The following SEL1L variants were observed in gnomAD, a reference collection of about 807,000 sequenced individuals.
SEL1L encodes SEL1L adaptor subunit of SYVN1 ubiquitin ligase, also known as protein sel-1 homolog 1.
A neutral mutation model predicts 109.8 loss-of-function variants in SEL1L; 52 were observed. The observed-to-expected ratio is 0.47, with a 90% CI of 0.38 to 0.60. The LOEUF (loss-of-function observed/expected upper bound fraction) is 0.60, where lower values mean the gene tolerates loss of function less well. SEL1L is among the 20% of genes least tolerant of loss of function. The pLI is 0.00. For missense variants in SEL1L, 749 were observed against 962.2 expected (o/e 0.78, Z 2.93); for synonymous variants, 373 against 339.6 (o/e 1.10, Z -1.08).
intron 10 of SEL1L, among the ~76,000 whole-genome samples, chr14:81,495,340 T>C (rs1883699026): frequency 6.6e-6 from 1 of 152,244 alleles, no homozygotes; most frequent in Non-Finnish European, 1.5e-5. Flanking sequence ...TACTTGTAAT[T>C]GCAAAGTACC....
chr14:81,492,679 C>T, intron 11 of SEL1L, 131 bp from the exon 12 acceptor site: 1 of 594,172 alleles, frequency 1.7e-6, no homozygotes, highest in Non-Finnish European at 3.0e-6. Context: ...CAAGAATACC[C>T]AGTTGCCAAT....
chr14:81,482,938 A>G (rs757635822), intron 19 of SEL1L, among the ~76,000 whole-genome samples: 5 of 152,192 alleles, frequency 3.3e-5, no homozygotes, highest in Non-Finnish European at 7.3e-5. Context: ...TACTCTTCCT[A>G]GAAAATAAGA....
intron 10 of SEL1L, among the ~76,000 whole-genome samples, chr14:81,496,340 C>CAA (rs1555413758): frequency 1.4e-5 from 2 of 147,264 alleles, no homozygotes; most frequent in African/African-American, 4.9e-5. Flanking sequence ...AAAACAAAAA[C>CAA]AAAAAAAAAA....
intron 1 of SEL1L, among the ~76,000 whole-genome samples, chr14:81,528,021 G>GT (rs1195938399): frequency 6.6e-6 from 1 of 152,052 alleles, no homozygotes; most frequent in Non-Finnish European, 1.5e-5. Flanking sequence ...ACAAAAACAG[G>GT]TATTTCTTCA....
Position 81,498,437 on chromosome 14 carries a change from G to A in SEL1L, c.949C>T (p.His317Tyr), listed in dbSNP as rs1035922108. 5.0e-6 allele frequency: 8 copies of A among 1,613,898 alleles called. No homozygotes were observed. The highest frequency in any genetic ancestry group is 5.1e-6 in the Non-Finnish European group (6 of 1,179,888). ...VLQSCESALT[H>Y]YRLVANHVAS... The stretch of plus-strand genomic sequence containing the variant: ...CCATGATTGGCAACAAGACGATAGT[G>A]AGTCAGGGCAGATTCACAACTCTGG... Residue 317 changes from histidine to tyrosine, a missense_variant, in exon 9 of 21, where the codon CAC (histidine) becomes TAC (tyrosine). Coordinates refer to ENST00000336735, the MANE Select transcript of SEL1L (RefSeq NM_005065.6).
chr14:81,485,673 T>C lies in SEL1L; in HGVS notation c.1872A>G (p.Gln624=), dbSNP rs1903498643. ...CTTATCTTAGAATTAATCACTTACC[T>C]TGAGAGGCGGCCCTGTTCCAATGTA... ...ALLHWNRAAS[Q]GYTVARIKLG... Residue 624 remains glutamine, a splice_region_variant and synonymous_variant, in exon 18 of 21, where the codon CAA becomes CAG. Transcript: ENST00000336735. The C allele has an allele frequency of 6.2e-7, 1 of 1,613,552 alleles. No individual in the cohort carries two copies. The highest frequency in any genetic ancestry group is 8.5e-7 in the Non-Finnish European group (1 of 1,179,494).
chr14:81,505,424 G>A (rs1225831410), intron 4 of SEL1L, among the ~76,000 whole-genome samples: 1 of 152,118 alleles, frequency 6.6e-6, no homozygotes, highest in Admixed American at 6.5e-5. Context: ...TGCATTAACT[G>A]GAGTACCCAG....
At chr14:81,519,351 C>T (rs913255412) in intron 3 of SEL1L, among the ~76,000 whole-genome samples, 3 of 152,200 alleles carry the variant, frequency 2.0e-5, no homozygotes, top group African/African-American at 2.4e-5. Flanking sequence ...TACACTGAGT[C>T]CTTTGAGTCA....
Position 81,496,598 on chromosome 14 carries a change from G to C in SEL1L, c.1128+1294C>G, listed in dbSNP as rs527308101. On this transcript the variant is annotated intron_variant, in intron 10 of 20. Coordinates refer to ENST00000336735, the MANE Select transcript of SEL1L (RefSeq NM_005065.6). ...CACTAAAAATACAAAAATTAGCTGGGTGTGGTGGTGCATGCCTGCATTCCC... is the reference window on the plus strand; with the variant it reads ...CACTAAAAATACAAAAATTAGCTGGCTGTGGTGGTGCATGCCTGCATTCCC... Among the ~76,000 whole-genome samples, 6 of 152,272 alleles carry C rather than the reference G, an allele frequency of 3.9e-5. No individual in the cohort carries two copies. The East Asian group carries it at 1.2e-3, about 29-fold the overall frequency.
intron 19 of SEL1L, among the ~76,000 whole-genome samples, chr14:81,482,047 A>G (rs192690080): frequency 0.045 from 6,771 of 152,084 alleles, 211 homozygotes; most frequent in South Asian, 0.12. Flanking sequence ...AAAAAAAAAA[A>G]GTAATGGAGT....
chr14:81,522,474 G>A (rs1884952507), intron 3 of SEL1L, among the ~76,000 whole-genome samples: 1 of 152,308 alleles, frequency 6.6e-6, no homozygotes, highest in African/African-American at 2.4e-5. Flanking sequence ...TTACCACTGT[G>A]TTACAGCTGA....
rs2139968026 is a variant in SEL1L at position 81,471,766 on chromosome 14, A to C, written c.*5206T>G. The stretch of plus-strand genomic sequence containing the variant: ...TACTCAAAATATAATACTACCAATA[A>C]ACTACTAGCATAGTGAATTTTCAGG... On this transcript the variant is annotated 3_prime_UTR_variant, in exon 21 of 21. Coordinates refer to ENST00000336735, the MANE Select transcript of SEL1L (RefSeq NM_005065.6). 1 of 152,330 alleles carries C rather than the reference A, an allele frequency of 6.6e-6. No homozygotes were observed. Among genetic ancestry groups the C allele is most frequent in the South Asian group, 2.1e-4 (1 of 4,828 alleles). 9.4% of individuals were successfully genotyped at this position (152,330 alleles called of 1,614,324 possible). A position where few individuals can be genotyped will look rare whatever the true frequency, so the allele number is the denominator to read the frequency against.
chr14:81,489,145 A>C, intron 14 of SEL1L, 107 bp downstream of exon 14: 1 of 934,014 alleles, frequency 1.1e-6, no homozygotes, highest in East Asian at 2.4e-5. Flanking sequence ...AGCTTTGCTT[A>C]CAATGGAACA....
At chr14:81,519,752 T>TAC (rs1884837784) in intron 3 of SEL1L, among the ~76,000 whole-genome samples, 2 of 152,166 alleles carry the variant, frequency 1.3e-5, no homozygotes, top group Admixed American at 1.3e-4. Context: ...GGAGAAAACC[T>TAC]ACATTTATTT....
rs1884227250 is a variant in SEL1L, at chr14:81,506,099, T to C, written c.483A>G (p.Ala161=). The change falls in exon 4 of 21, where the codon GCA becomes GCG. Residue 161 remains alanine (A), a synonymous_variant. Transcript: ENST00000336735. ...LWCATTYDYK[A]DEKWGFCETE... The stretch of plus-strand genomic sequence containing the variant: ...TTTCACAAAAGCCCCACTTTTCATC[T>C]GCTTTGTAGTCATAGGTTGTAGCAC... The C allele has an allele frequency of 2.5e-6, 4 of 1,613,480 alleles. No homozygotes were observed. Among genetic ancestry groups the C allele is most frequent in the Non-Finnish European group, 3.4e-6 (4 of 1,179,698 alleles).
intron 10 of SEL1L, among the ~76,000 whole-genome samples, chr14:81,495,884 C>T (rs1883727092): frequency 6.6e-6 from 1 of 151,292 alleles, no homozygotes; most frequent in African/African-American, 2.4e-5. Context: ...TAAGGTGTGC[C>T]GAGATCGTGC....
intron 8 of SEL1L, 26 bp downstream of exon 8, chr14:81,499,433 T>C (rs1595516145): frequency 1.3e-6 from 2 of 1,599,164 alleles, no homozygotes; most frequent in South Asian, 1.1e-5. Flanking sequence ...GTTAATATTA[T>C]TAGCCTTCCA....
chr14:81,484,203 C>T lies in SEL1L; in HGVS notation c.2046+22G>A, dbSNP rs199525865. On this transcript the variant is annotated intron_variant, in intron 19 of 20. Coordinates refer to ENST00000336735, the MANE Select transcript of SEL1L (RefSeq NM_005065.6). ...CCCAATCACAATTATGTGATTCAAA[C>T]GTGTTTGGAAGCCACACTCACCTGT... The T allele has an allele frequency of 1.3e-3, 2,122 of 1,582,328 alleles. 5 individuals carry two copies. Among genetic ancestry groups the T allele is most frequent in the Non-Finnish European group, 1.2e-3 (1,363 of 1,155,584 alleles).
At chr14:81,533,409 G>A (rs1182945124) in intron 1 of SEL1L, among the ~76,000 whole-genome samples, 1 of 152,200 alleles carries the variant, frequency 6.6e-6, no homozygotes, top group East Asian at 1.9e-4. Context: ...AGTCAATTCC[G>A]CGTTCGTGAG....
Sources: gnomAD v4.1 joint callset for allele counts (sites outside exome capture counted in the v4.1 genomes callset) on GRCh38, gnomAD v4.1.1 for gene constraint, MANE v1.5 for transcripts, NCBI Gene and HGNC (gene_info 2026-07-23, HGNC 2026-07-21) for gene names.